NAA30: variants seen among roughly 807,000 people sequenced by gnomAD.
NAA30 encodes the protein N-alpha-acetyltransferase 30, NatC catalytic subunit.
A neutral mutation model predicts 31.4 loss-of-function variants in NAA30; 5 were observed. The observed-to-expected ratio is 0.16, with a 90% confidence interval of 0.08 to 0.33. The LOEUF (loss-of-function observed/expected upper bound fraction) is 0.33, where lower values mean the gene tolerates loss of function less well. NAA30 is among the 10% of genes least tolerant of loss of function. NAA30 has a pLI of 1.00. For synonymous variants in NAA30, 222 were observed against 207.1 expected, an observed-to-expected ratio of 1.07 and a Z score of -0.62; for missense variants, 428 against 490.8, an observed-to-expected ratio of 0.87 and a Z score of 1.21.
At chr14:57,402,936 T>C (rs1213802749) in intron 4 of NAA30, among the ~76,000 whole-genome samples, 1 of 152,216 alleles carries the variant, frequency 6.6e-6, no homozygotes, top group Non-Finnish European at 1.5e-5. Context: ...ATCCCAGCAC[T>C]TTGGGAGTCC....
At chr14:57,390,844 C>A (rs187977558) in intron 1 of NAA30, 113 bp from the exon 2 acceptor site, 1 of 1,037,462 alleles carries the variant, frequency 9.6e-7, no homozygotes, top group Non-Finnish European at 1.3e-6. Flanking sequence ...CCGTGAGGGA[C>A]GGTTTCTGCC....
chr14:57,395,169 A>G lies in NAA30; in HGVS notation c.772-1583A>G, dbSNP rs537956029. Reference sequence around the variant, plus strand: ...ACAATTTCAGAGGTTTATTGACCCAAAATAGTTTTGGAATGTGTGATAAAC... The same window carrying G: ...ACAATTTCAGAGGTTTATTGACCCAGAATAGTTTTGGAATGTGTGATAAAC... On this transcript the variant is annotated intron_variant, in intron 2 of 4. Transcript: ENST00000556492. 3.7e-3 allele frequency among the ~76,000 whole-genome samples: 559 copies of G among 152,294 alleles called. 2 individuals carry two copies. The highest frequency in any genetic ancestry group is 0.013 in the African/African-American group (526 of 41,572).
At chr14:57,408,162 A>G (rs938719127) in intron 4 of NAA30, among the ~76,000 whole-genome samples, 3 of 152,050 alleles carry the variant, frequency 2.0e-5, no homozygotes, top group Admixed American at 6.5e-5. Flanking sequence ...ACAGGAAGAG[A>G]CTTATGCTTC....
At chr14:57,393,719 CAG>C (rs1719793894) in intron 2 of NAA30, among the ~76,000 whole-genome samples, 1 of 151,916 alleles carries the variant, frequency 6.6e-6, no homozygotes, top group African/African-American at 2.4e-5. Flanking sequence ...TATTTACTGA[CAG>C]AGGGGTAGGT....
intron 2 of NAA30, among the ~76,000 whole-genome samples, chr14:57,392,027 TTTAA>T (rs1187205829): frequency 6.6e-6 from 1 of 152,216 alleles, no homozygotes; most frequent in East Asian, 1.9e-4. Context: ...TTTAACCGTC[TTTAA>T]TTACCCGCCC....
In NAA30 at chr14:57,399,216, A is replaced by T. The variant is rs1035866433; in HGVS notation, c.896-612A>T. Among the ~76,000 whole-genome samples the T allele has an allele frequency of 5.3e-5, 8 of 152,216 alleles. No homozygotes were observed. In the South Asian group the frequency reaches 1.0e-3, roughly 20 times the overall value. ...CTGCTCTTAAAATCAGATTTGGCAA[A>T]TTTTTTCCCTTTTAATATACCAATT... On this transcript the variant is annotated intron_variant, in intron 3 of 4. Transcript: ENST00000556492.
In NAA30 at chr14:57,415,428, A is replaced by C. The variant is rs1193981752; in HGVS notation, c.*5912A>C. On this transcript the variant is annotated 3_prime_UTR_variant, in exon 5 of 5. Transcript: ENST00000556492. ...GCAGGTTGCACAAACCAAAAACAAA[A>C]TATTTTGCCCCTTAAATAGGCATTT... The C allele has an allele frequency of 6.6e-6, 1 of 152,138 alleles. No individual in the cohort carries two copies. Among genetic ancestry groups the C allele is most frequent in the Non-Finnish European group, 1.5e-5 (1 of 68,032 alleles). The allele number at this position is 152,138 out of a possible 1,614,324, so 9.4% of individuals were successfully genotyped here. A position where few individuals can be genotyped will look rare whatever the true frequency, so the allele number is the denominator to read the frequency against.
At chr14:57,404,564 A>G (rs2066490590) in intron 4 of NAA30, among the ~76,000 whole-genome samples, 1 of 152,156 alleles carries the variant, frequency 6.6e-6, no homozygotes, top group Non-Finnish European at 1.5e-5. Flanking sequence ...TTCACTACCT[A>G]CCTTTCTAGC....
At chr14:57,396,491 ATCTTG>A (rs2066451029) in intron 2 of NAA30, among the ~76,000 whole-genome samples, 2 of 152,166 alleles carry the variant, frequency 1.3e-5, no homozygotes, top group South Asian at 4.1e-4. Context: ...ACCTTGTGGA[ATCTTG>A]TCTTTTTTCC....
intron 4 of NAA30, among the ~76,000 whole-genome samples, chr14:57,409,161 G>T (rs1393684291): frequency 6.6e-6 from 1 of 152,112 alleles, no homozygotes; most frequent in Non-Finnish European, 1.5e-5. Flanking sequence ...ACACAAATCA[G>T]TAGAACAGAA....
intron 3 of NAA30, 141 bp from the exon 4 acceptor site, chr14:57,399,687 C>A (rs778801406): frequency 3.8e-5 from 23 of 611,890 alleles, no homozygotes; most frequent in Non-Finnish European, 6.6e-5. Flanking sequence ...AAAATTTTTC[C>A]CATTTAATTT....
In NAA30 at chr14:57,403,234, G is replaced by GGA. The variant is rs35077944; in HGVS notation, c.951+3351_951+3352insGA. Among the ~76,000 whole-genome samples the GGA allele has an allele frequency of 2.7e-3, 367 of 136,484 alleles. 9 individuals are homozygous for GGA. The East Asian group carries it at 0.057, about 21-fold the overall frequency. 89.5% of individuals were successfully genotyped at this position (136,484 alleles called of 152,430 possible). On this transcript the variant is annotated intron_variant, in intron 4 of 4. Transcript: ENST00000556492. ...GAAACCTTACTGTGCTCCGTGGCCG[G>GGA]AAAAAAAAAAAAAAAAAGATACATT...
rs2066533333 is a variant in NAA30 at position 57,413,600 on chromosome 14, T to G, written c.*4084T>G. On this transcript the variant is annotated 3_prime_UTR_variant, in exon 5 of 5. Transcript: ENST00000556492. Reference sequence around the variant, plus strand: ...TCTGCCCCCTGGGTTCAAGCAATTCTTGTGCCTTAGCCTCCTGAGTAGCTG... The same window carrying G: ...TCTGCCCCCTGGGTTCAAGCAATTCGTGTGCCTTAGCCTCCTGAGTAGCTG... The G allele has an allele frequency of 6.6e-6, 1 of 152,320 alleles. No individual in the cohort carries two copies. The highest frequency in any genetic ancestry group is 1.5e-5 in the Non-Finnish European group (1 of 68,166). 9.4% of individuals were successfully genotyped at this position (152,320 alleles called of 1,614,324 possible). A position where few individuals can be genotyped will look rare whatever the true frequency, so the allele number is the denominator to read the frequency against.
rs1380677494 is a variant in NAA30, at chr14:57,410,582, TG to T, written c.*1068del. 3 of 152,258 alleles carry T rather than the reference TG, an allele frequency of 2.0e-5. No homozygotes were observed. Among genetic ancestry groups the T allele is most frequent in the African/African-American group, 7.2e-5 (3 of 41,470 alleles). 9.4% of individuals were successfully genotyped at this position (152,258 alleles called of 1,614,324 possible). A position where few individuals can be genotyped will look rare whatever the true frequency, so the allele number is the denominator to read the frequency against. On this transcript the variant is annotated 3_prime_UTR_variant, in exon 5 of 5. Coordinates refer to ENST00000556492, the MANE Select transcript of NAA30 (RefSeq NM_001011713.3). Reference sequence around the variant, plus strand: ...ATGCTTCACTTCAGGTTCTTGGTCTTGGAAATAAATTTCAAGGTGCATTGTA... The same window carrying T: ...ATGCTTCACTTCAGGTTCTTGGTCTTGAAATAAATTTCAAGGTGCATTGTA...
intron 3 of NAA30, 68 bp downstream of exon 3, chr14:57,396,943 A>G: frequency 2.0e-6 from 3 of 1,502,174 alleles, no homozygotes; most frequent in Non-Finnish European, 2.7e-6. Context: ...TTTTGAAATA[A>G]AAGACTTAAA....
rs1289651281 is a variant in NAA30 at position 57,411,030 on chromosome 14, G to A, written c.*1514G>A. The A allele has an allele frequency of 4.1e-5, 6 of 148,090 alleles. No homozygotes were observed. The Admixed American group carries it at 4.1e-4, about 10-fold the overall frequency. 9.2% of individuals were successfully genotyped at this position (148,090 alleles called of 1,614,324 possible). ...AAAACCCTACCTCCATTAACAGTTG[G>A]TAAAGGCCCCTTTTCAGGAAAGTTT... On this transcript the variant is annotated 3_prime_UTR_variant, in exon 5 of 5. Transcript: ENST00000556492.
At chr14:57,406,033 A>C (rs977065090) in intron 4 of NAA30, among the ~76,000 whole-genome samples, 13 of 152,130 alleles carry the variant, frequency 8.5e-5, no homozygotes, top group Non-Finnish European at 1.8e-4. Flanking sequence ...ATATTCTTTT[A>C]ATATGTTTAT....
At position 57,390,600 on chromosome 14, in the gene NAA30, T is replaced by G; in HGVS notation, c.-107T>G. The G allele has an allele frequency of 3.4e-6, 1 of 290,688 alleles. No homozygotes were observed. Among genetic ancestry groups the G allele is most frequent in the Non-Finnish European group, 6.4e-6 (1 of 156,980 alleles). The allele number at this position is 290,688 out of a possible 1,614,324, so 18.0% of individuals were successfully genotyped here. ...TGAGGCGCTTTACGGCGACGGCGGCTGAGTGAGAACCTTGGCGGCTGTGGA... is the reference window on the plus strand; with the variant it reads ...TGAGGCGCTTTACGGCGACGGCGGCGGAGTGAGAACCTTGGCGGCTGTGGA... On this transcript the variant is annotated 5_prime_UTR_variant, in exon 1 of 5. Coordinates refer to ENST00000556492, the MANE Select transcript of NAA30 (RefSeq NM_001011713.3).
Position 57,391,878 on chromosome 14 carries a change from A to G in NAA30, c.771+150A>G, listed in dbSNP as rs1194917616. On this transcript the variant is annotated intron_variant, in intron 2 of 4. Transcript: ENST00000556492. The surrounding 1 kb of genome is among the most constrained non-coding windows in gnomAD (Gnocchi z 4.1). Reference sequence around the variant, plus strand: ...TCAAGTGCTGTACACATTCCTAGTTATTTAATGAAATTGTTTTGAAGGTAA... The same window carrying G: ...TCAAGTGCTGTACACATTCCTAGTTGTTTAATGAAATTGTTTTGAAGGTAA... The G allele has an allele frequency of 1.5e-6, 1 of 675,598 alleles. No homozygotes were observed. Among genetic ancestry groups the G allele is most frequent in the Non-Finnish European group, 2.5e-6 (1 of 401,356 alleles). The allele number at this position is 675,598 out of a possible 1,614,324, so 41.9% of individuals were successfully genotyped here. A position where few individuals can be genotyped will look rare whatever the true frequency, so the allele number is the denominator to read the frequency against.
Sources: allele counts gnomAD v4.1 joint callset (sites outside exome capture counted in the v4.1 genomes callset), GRCh38; gene constraint gnomAD v4.1.1; non-coding constraint Gnocchi (gnomAD v3.1); transcripts MANE v1.5; gene names NCBI Gene and HGNC (gene_info 2026-07-23, HGNC 2026-07-21).